Variants in PCDH15 observed in about 807,000 individuals in gnomAD.
PCDH15 encodes protocadherin-15.
Under a neutral mutation model 178.5 loss-of-function variants are expected in PCDH15, and 129 were observed. The ratio of observed to expected loss-of-function variants is 0.72; its 90% CI spans 0.63 to 0.84. The LOEUF is 0.84. PCDH15 is among the 40% of genes least tolerant of loss of function. The probability of loss-of-function intolerance (pLI) is 0.00; values close to 1 mark genes in which losing one functional copy is unlikely to be tolerated. For missense variants in PCDH15, 2,230 were observed against 2,099.9 expected, an observed-to-expected ratio of 1.06 and a Z score of -1.21; for synonymous variants, 800 against 732.0, an observed-to-expected ratio of 1.09 and a Z score of -1.50.
At chr10:54,676,444 C>T (rs1192879906) in intron 1 of PCDH15, among the ~76,000 whole-genome samples, 1 of 152,008 alleles carries the variant, frequency 6.6e-6, no homozygotes, top group Admixed American at 6.5e-5. Context: ...AAGCAGTGAA[C>T]ATAGCCACTA....
At chr10:54,853,306 TATATATATATATACATACACACAC>T (rs1382363452) in intron 3 of PCDH15, among the ~76,000 whole-genome samples, 1 of 117,182 alleles carries the variant, frequency 8.5e-6, no homozygotes, top group Non-Finnish European at 1.7e-5. Context: ...TATATATATA[TATATATATATATACATACACACAC>T]ATATACATAT....
At chr10:54,290,323 T>C (rs2059315928) in intron 8 of PCDH15, among the ~76,000 whole-genome samples, 1 of 152,078 alleles carries the variant, frequency 6.6e-6, no homozygotes, top group Non-Finnish European at 1.5e-5. Flanking sequence ...GGAAATAAAA[T>C]CCTTTATGGA....
chr10:54,453,928 T>C (rs937622331), intron 3 of PCDH15, among the ~76,000 whole-genome samples: 2 of 151,910 alleles, frequency 1.3e-5, no homozygotes, highest in Admixed American at 1.3e-4. Context: ...TAAGCCACCA[T>C]GTTTGAGGTA....
intron 18 of PCDH15, among the ~76,000 whole-genome samples, chr10:54,062,651 A>T (rs1407798259): frequency 6.6e-6 from 1 of 152,122 alleles, no homozygotes; most frequent in East Asian, 1.9e-4. Flanking sequence ...GCTAAGGTCC[A>T]TATTTCAATT....
Position 54,104,560 on chromosome 10 carries a change from G to A in PCDH15, c.1918-14497C>T, listed in dbSNP as rs141112698. ...GGAGTTAGAATCCCTGAGTTCAGCC[G>A]GGCGCGGTAGCTCACGCCTGTAATC... On this transcript the variant is annotated intron_variant, in intron 15 of 37. Coordinates refer to ENST00000644397, the MANE Select transcript of PCDH15 (RefSeq NM_001384140.1). 1.6e-3 allele frequency among the ~76,000 whole-genome samples: 249 copies of A among 151,762 alleles called. 1 individual carries two copies. The highest frequency in any genetic ancestry group is 5.6e-3 in the African/African-American group (233 of 41,386).
intron 2 of PCDH15, among the ~76,000 whole-genome samples, chr10:55,070,801 C>T (rs1479282258): frequency 6.6e-6 from 1 of 151,860 alleles, no homozygotes; most frequent in Non-Finnish European, 1.5e-5. Flanking sequence ...TAGTTTTTTC[C>T]AATTCTGTGA....
chr10:53,913,729 G>C (rs1018364323), intron 25 of PCDH15, among the ~76,000 whole-genome samples: 3 of 151,176 alleles, frequency 2.0e-5, no homozygotes, highest in Admixed American at 1.3e-4. Flanking sequence ...GGATGACAGA[G>C]CGAGACTCTG....
intron 2 of PCDH15, among the ~76,000 whole-genome samples, chr10:55,052,707 C>A (rs930799585): frequency 4.6e-5 from 7 of 151,694 alleles, no homozygotes; most frequent in Non-Finnish European, 7.4e-5. Context: ...CAGAGTGAGA[C>A]CCTGTCTCAA....
intron 3 of PCDH15, among the ~76,000 whole-genome samples, chr10:54,442,606 G>T (rs187886695): frequency 0.01 from 1,512 of 148,706 alleles, 20 homozygotes; most frequent in African/African-American, 0.035. Context: ...CTTCAGAGTG[G>T]AGTCATATAT....
chr10:54,096,136 C>G (rs79134600), intron 15 of PCDH15, among the ~76,000 whole-genome samples: 1 of 151,966 alleles, frequency 6.6e-6, no homozygotes, highest in Non-Finnish European at 1.5e-5. Flanking sequence ...AATTCATATT[C>G]TATGCCTTTT....
intron 3 of PCDH15, among the ~76,000 whole-genome samples, chr10:54,837,579 A>T (rs1022643097): frequency 8.5e-5 from 13 of 152,346 alleles, no homozygotes; most frequent in African/African-American, 3.1e-4. Flanking sequence ...GGGAAAAAGT[A>T]ATCAATTATT....
At chr10:55,616,303 ATAATAT>A (rs1280355886) in intron 2 of PCDH15, among the ~76,000 whole-genome samples, 1 of 152,198 alleles carries the variant, frequency 6.6e-6, no homozygotes, top group Non-Finnish European at 1.5e-5. Context: ...ATGAAACTGC[ATAATAT>A]TGGTAAAACA....
At chr10:54,311,276 C>A (rs1240762158) in intron 8 of PCDH15, among the ~76,000 whole-genome samples, 1 of 151,874 alleles carries the variant, frequency 6.6e-6, no homozygotes, top group South Asian at 2.1e-4. Flanking sequence ...ATAGAAAATA[C>A]GTTAATATAT....
In PCDH15 at chr10:54,487,236, A is replaced by G. The variant is rs988132498; in HGVS notation, c.157+40576T>C. 2.6e-5 allele frequency among the ~76,000 whole-genome samples: 4 copies of G among 152,074 alleles called. No individual in the cohort carries two copies. In the South Asian group the frequency reaches 8.3e-4, roughly 31 times the overall value. Reference sequence around the variant, plus strand: ...GGCCATAATCTTAAGTGAAACAACTAAAACACAGAAAGACAAATATCACAT... The same window carrying G: ...GGCCATAATCTTAAGTGAAACAACTGAAACACAGAAAGACAAATATCACAT... On this transcript the variant is annotated intron_variant, in intron 3 of 37. Coordinates refer to ENST00000644397, the MANE Select transcript of PCDH15 (RefSeq NM_001384140.1).
intron 6 of PCDH15, among the ~76,000 whole-genome samples, chr10:54,337,744 A>G (rs1324404564): frequency 6.6e-6 from 1 of 152,154 alleles, no homozygotes; most frequent in Non-Finnish European, 1.5e-5. Context: ...GCTCACCTGA[A>G]TCAACCAATC....
intron 2 of PCDH15, among the ~76,000 whole-genome samples, chr10:54,625,047 T>C (rs1787742403): frequency 6.6e-6 from 1 of 152,204 alleles, no homozygotes; most frequent in Non-Finnish European, 1.5e-5. Flanking sequence ...AAAAATTGTC[T>C]TCAGTGAAAC....
At chr10:54,407,859 C>T (rs1288182033) in intron 3 of PCDH15, among the ~76,000 whole-genome samples, 2 of 151,890 alleles carry the variant, frequency 1.3e-5, no homozygotes, top group African/African-American at 4.8e-5. Context: ...AGTTCCAGAC[C>T]AGCCTGGCCA....
chr10:55,185,617 A>C (rs1839777067), intron 1 of PCDH15, among the ~76,000 whole-genome samples: 1 of 151,700 alleles, frequency 6.6e-6, no homozygotes, highest in African/African-American at 2.4e-5. Context: ...AAATTATATA[A>C]ATTTTCTTTA....
chr10:54,302,697 A>G (rs2891514), intron 8 of PCDH15, among the ~76,000 whole-genome samples: 78,678 of 151,886 alleles, frequency 0.52, 21,045 homozygotes, highest in Middle Eastern at 0.59. Flanking sequence ...ATCAGACTAA[A>G]ACAAATGTTT....
Sources: allele counts gnomAD v4.1 joint callset (sites outside exome capture counted in the v4.1 genomes callset), GRCh38; gene constraint gnomAD v4.1.1; transcripts MANE v1.5; gene names NCBI Gene and HGNC (gene_info 2026-07-23, HGNC 2026-07-21).